MAST4: variants seen among roughly 807,000 people sequenced by gnomAD.
The protein encoded by MAST4 is microtubule-associated serine/threonine-protein kinase 4.
A neutral mutation model predicts 162.7 loss-of-function variants in MAST4; 89 were observed. The observed-to-expected ratio is 0.55, with a 90% confidence interval of 0.46 to 0.65. The LOEUF (loss-of-function observed/expected upper bound fraction) is 0.65. Among genes scored for constraint, MAST4 ranks in the 30% least tolerant of loss-of-function variants. The probability of loss-of-function intolerance (pLI) is 0.00; values close to 1 mark genes in which losing one functional copy is unlikely to be tolerated. For missense variants in MAST4, 3,153 were observed against 3,374.0 expected (o/e 0.93, Z 1.62); for synonymous variants, 1,479 against 1,361.1 (o/e 1.09, Z -1.91).
At chr5:66,754,502 T>C (rs1041653736) in intron 1 of MAST4, among the ~76,000 whole-genome samples, 2 of 152,246 alleles carry the variant, frequency 1.3e-5, no homozygotes, top group Non-Finnish European at 2.9e-5. Flanking sequence ...AATTTTATTC[T>C]ATTTTTTCAA....
chr5:67,064,507 T>G (rs375798402), intron 5 of MAST4, among the ~76,000 whole-genome samples: 35 of 152,344 alleles, frequency 2.3e-4, no homozygotes, highest in African/African-American at 8.4e-4. Flanking sequence ...GGAGTCTTCC[T>G]TAATACTGAA....
chr5:66,865,852 A>G (rs1312131839), intron 3 of MAST4, among the ~76,000 whole-genome samples: 2 of 152,166 alleles, frequency 1.3e-5, no homozygotes, highest in Non-Finnish European at 2.9e-5. Flanking sequence ...AGGTGGGCGG[A>G]TCAGTTGAGG....
chr5:66,740,028 G>A (rs895211330), intron 1 of MAST4, among the ~76,000 whole-genome samples: 7 of 152,202 alleles, frequency 4.6e-5, no homozygotes, highest in Admixed American at 1.3e-4. Context: ...TTGGGAGGTA[G>A]TGAGAAGTCA....
intron 1 of MAST4, among the ~76,000 whole-genome samples, chr5:66,689,312 G>T (rs1748889689): frequency 6.6e-6 from 1 of 152,126 alleles, no homozygotes; most frequent in Non-Finnish European, 1.5e-5. Context: ...ACCAGGGTGA[G>T]GTGCAATCTC....
intron 1 of MAST4, chr5:66,662,202 A>G (rs1406146559): frequency 1.3e-5 from 2 of 152,044 alleles, no homozygotes; most frequent in Admixed American, 6.6e-5. Context: ...ATTCTATATT[A>G]TCTGATAATT....
intron 2 of MAST4, among the ~76,000 whole-genome samples, chr5:66,765,574 G>A (rs1314330433): frequency 6.6e-6 from 1 of 152,004 alleles, no homozygotes; most frequent in Non-Finnish European, 1.5e-5. Flanking sequence ...TTACTTCAGG[G>A]GAGTAAAGAA....
At chr5:67,090,674 A>C (rs971237054) in intron 6 of MAST4, among the ~76,000 whole-genome samples, 1 of 151,070 alleles carries the variant, frequency 6.6e-6, no homozygotes, top group Non-Finnish European at 1.5e-5. Flanking sequence ...TCTTCCTATC[A>C]TGTTTGCAAT....
intron 4 of MAST4, among the ~76,000 whole-genome samples, chr5:66,912,176 A>G (rs1763821443): frequency 6.6e-6 from 1 of 152,184 alleles, no homozygotes; most frequent in African/African-American, 2.4e-5. Context: ...TGTTAATTGC[A>G]GGGAGAGTGG....
intron 1 of MAST4, among the ~76,000 whole-genome samples, chr5:66,662,126 G>GA (rs1257504517): frequency 3.1e-4 from 47 of 151,638 alleles, no homozygotes; most frequent in Non-Finnish European, 2.9e-5. Context: ...AGGCTCTGGG[G>GA]ATATAACAGT....
chr5:67,162,290 T>G (rs908804209), intron 27 of MAST4, among the ~76,000 whole-genome samples: 1 of 152,242 alleles, frequency 6.6e-6, no homozygotes, highest in Non-Finnish European at 1.5e-5. Flanking sequence ...TCAGAAGCTT[T>G]CAAGCAAAGA....
At chr5:67,073,970 A>C (rs1016777331) in intron 5 of MAST4, among the ~76,000 whole-genome samples, 3 of 152,282 alleles carry the variant, frequency 2.0e-5, no homozygotes, top group Admixed American at 6.5e-5. Flanking sequence ...AAAGATTGAT[A>C]ATAGAAATTT....
chr5:66,945,037 A>G (rs1411963648), intron 4 of MAST4, among the ~76,000 whole-genome samples: 1 of 152,118 alleles, frequency 6.6e-6, no homozygotes, highest in Non-Finnish European at 1.5e-5. Context: ...AGTGTCAGTC[A>G]TTGGGGAGGT....
chr5:66,988,171 T>C (rs1749717597), intron 4 of MAST4, among the ~76,000 whole-genome samples: 1 of 152,210 alleles, frequency 6.6e-6, no homozygotes, highest in African/African-American at 2.4e-5. Context: ...GAAGAGACTC[T>C]AGTATTTATT....
chr5:66,878,266 A>C (rs549542953), intron 3 of MAST4, among the ~76,000 whole-genome samples: 23 of 152,356 alleles, frequency 1.5e-4, no homozygotes, highest in Admixed American at 3.3e-4. Context: ...CCTGTGGGCC[A>C]CGTTTGCCAG....
intron 2 of MAST4, among the ~76,000 whole-genome samples, chr5:66,781,002 C>G (rs1580435025): frequency 6.6e-6 from 1 of 152,214 alleles, no homozygotes; most frequent in South Asian, 2.1e-4. Context: ...TTTCTTTCAG[C>G]ATGTCTCCAA....
chr5:66,871,408 G>C (rs1326855592), intron 3 of MAST4, among the ~76,000 whole-genome samples: 1 of 152,152 alleles, frequency 6.6e-6, no homozygotes, highest in Non-Finnish European at 1.5e-5. Context: ...GCTGGGATGG[G>C]TTGGCTTCAG....
intron 2 of MAST4, among the ~76,000 whole-genome samples, chr5:66,784,783 T>C (rs573394025): frequency 2.0e-5 from 3 of 152,352 alleles, no homozygotes; most frequent in East Asian, 3.9e-4. Flanking sequence ...TGCTTTTCCA[T>C]GTCCTAGGTG....
At chr5:66,894,529 T>C (rs1258465127) in intron 3 of MAST4, among the ~76,000 whole-genome samples, 1 of 152,228 alleles carries the variant, frequency 6.6e-6, no homozygotes, top group Admixed American at 6.5e-5. Context: ...AAGCACCTGA[T>C]ATACTGCCTT....
chr5:66,872,644 T>C (rs894801563), intron 3 of MAST4, among the ~76,000 whole-genome samples: 5 of 152,180 alleles, frequency 3.3e-5, no homozygotes, highest in African/African-American at 1.2e-4. Flanking sequence ...TCCCGGGAGT[T>C]CTGTTGGTAC....
Sources: allele counts gnomAD v4.1 joint callset (sites outside exome capture counted in the v4.1 genomes callset), GRCh38; gene constraint gnomAD v4.1.1; transcripts MANE v1.5; gene names NCBI Gene and HGNC (gene_info 2026-07-23, HGNC 2026-07-21).